STARD3NL: variants seen among roughly 807,000 people sequenced by gnomAD.
STARD3NL encodes STARD3 N-terminal-like protein.
A neutral mutation model predicts 30.9 loss-of-function variants in STARD3NL; 17 were observed. The observed-to-expected ratio is 0.55, with a 90% confidence interval of 0.38 to 0.82. The LOEUF is 0.82. Ranked by LOEUF, STARD3NL falls within the 40% of genes least tolerant of loss-of-function variation. The probability of loss-of-function intolerance (pLI) is 0.00; values close to 1 mark genes in which losing one functional copy is unlikely to be tolerated. For synonymous variants in STARD3NL, 112 were observed against 100.5 expected (o/e 1.11, Z -0.69); for missense variants, 234 against 277.6 (o/e 0.84, Z 1.12).
At chr7:38,201,394 C>T (rs1303919592) in intron 1 of STARD3NL, among the ~76,000 whole-genome samples, 2 of 151,936 alleles carry the variant, frequency 1.3e-5, no homozygotes, top group South Asian at 2.1e-4. Context: ...GAGATTGATA[C>T]GTTTCTTAAT....
chr7:38,179,144 A>T (rs1476303731), intron 1 of STARD3NL: 2 of 152,240 alleles, frequency 1.3e-5, no homozygotes, highest in Non-Finnish European at 2.9e-5. Context: ...AAGTTTAGCA[A>T]GGTAACCAAG....
chr7:38,181,368 T>G (rs1784240021), intron 1 of STARD3NL, among the ~76,000 whole-genome samples: 1 of 152,180 alleles, frequency 6.6e-6, no homozygotes, highest in Admixed American at 6.5e-5. Context: ...TAACTTCTTT[T>G]TCTTAGTAAT....
chr7:38,226,760 T>C (rs1786795122), intron 7 of STARD3NL, among the ~76,000 whole-genome samples: 1 of 152,150 alleles, frequency 6.6e-6, no homozygotes. Flanking sequence ...CCTCTGAATT[T>C]GTCACTTCAC....
intron 2 of STARD3NL, among the ~76,000 whole-genome samples, chr7:38,211,379 G>C (rs1384903156): frequency 1.3e-5 from 2 of 152,132 alleles, no homozygotes; most frequent in African/African-American, 4.8e-5. Context: ...TTCAGTGTGG[G>C]AGCTTGGGGA....
At chr7:38,228,060 T>G (rs949933280) in intron 7 of STARD3NL, among the ~76,000 whole-genome samples, 2 of 152,200 alleles carry the variant, frequency 1.3e-5, no homozygotes, top group African/African-American at 4.8e-5. Flanking sequence ...ATTTAAAGTT[T>G]TATTTGCTAT....
At chr7:38,195,802 T>C (rs1461605921) in intron 1 of STARD3NL, among the ~76,000 whole-genome samples, 1 of 152,270 alleles carries the variant, frequency 6.6e-6, no homozygotes, top group Non-Finnish European at 1.5e-5. Context: ...AGACTGTGTC[T>C]GAATGATATC....
rs1201195636 is a variant in STARD3NL at position 38,214,338 on chromosome 7, T to A, written c.226-19T>A. 1 of 1,553,572 alleles carries A rather than the reference T, an allele frequency of 6.4e-7. No individual in the cohort carries two copies. The highest frequency in any genetic ancestry group is 2.3e-5 in the East Asian group (1 of 43,984). On this transcript the variant is annotated intron_variant, in intron 2 of 8. Transcript: ENST00000009041. ...CACATAAACCTCTCCTTGTTTTTGC[T>A]TCTTACTCTCCTTTCTAGGTGAATG... is the stretch of plus-strand genomic sequence containing the variant.
chr7:38,196,490 T>G (rs1034244512), intron 1 of STARD3NL, among the ~76,000 whole-genome samples: 1 of 152,218 alleles, frequency 6.6e-6, no homozygotes, highest in Admixed American at 6.5e-5. Context: ...TTATTCCCCA[T>G]TGTAGACCTG....
Position 38,215,024 on chromosome 7 carries a change from TC to T in STARD3NL, c.304-3del, listed in dbSNP as rs777048078. The T allele has an allele frequency of 1.2e-6, 2 of 1,613,628 alleles. No homozygotes were observed. The highest frequency in any genetic ancestry group is 1.7e-6 in the Non-Finnish European group (2 of 1,179,688). ...AAAACATCCCTTTATTTTCTTACTT[TC>T]AGCTTCTGGCAGTTTTTCGATTTAA... On this transcript the variant is annotated splice_polypyrimidine_tract_variant and splice_region_variant and intron_variant, in intron 3 of 8. Transcript: ENST00000009041.
intron 1 of STARD3NL, among the ~76,000 whole-genome samples, chr7:38,189,266 A>G (rs1296478514): frequency 1.3e-5 from 2 of 152,212 alleles, no homozygotes; most frequent in African/African-American, 4.8e-5. Context: ...GAAAATAAAG[A>G]TTAAGAATAA....
chr7:38,180,642 G>C (rs1016781912), intron 1 of STARD3NL, among the ~76,000 whole-genome samples: 8 of 152,206 alleles, frequency 5.3e-5, no homozygotes, highest in African/African-American at 1.9e-4. Context: ...AGCTAGTACT[G>C]ATGGAGCTTG....
intron 4 of STARD3NL, chr7:38,216,716 G>A (rs1433490941): frequency 5.3e-6 from 2 of 376,308 alleles, no homozygotes; most frequent in East Asian, 4.4e-5. Flanking sequence ...GTCTCTTCAT[G>A]TGCTTGTAGA....
intron 1 of STARD3NL, among the ~76,000 whole-genome samples, chr7:38,196,273 C>A (rs1562602663): frequency 6.6e-6 from 1 of 151,108 alleles, no homozygotes; most frequent in Non-Finnish European, 1.5e-5. Context: ...CATGACACTC[C>A]TTTTCCTGTG....
chr7:38,201,228 T>C lies in STARD3NL; in HGVS notation c.-58-6219T>C, dbSNP rs922392894. 3.3e-5 allele frequency among the ~76,000 whole-genome samples: 5 copies of C among 152,330 alleles called. No individual in the cohort carries two copies. The East Asian group carries it at 9.6e-4, about 29-fold the overall frequency. On this transcript the variant is annotated intron_variant, in intron 1 of 8. Transcript: ENST00000009041. ...CAGAGATGTCTCTGCTTTGTGTAACTTTTTTTATTGAGGTGAAAGTATCTA... is the reference window on the plus strand; with the variant it reads ...CAGAGATGTCTCTGCTTTGTGTAACCTTTTTTATTGAGGTGAAAGTATCTA...
chr7:38,229,645 G>A (rs1002381474), intron 8 of STARD3NL, among the ~76,000 whole-genome samples: 2 of 152,168 alleles, frequency 1.3e-5, no homozygotes, highest in East Asian at 1.9e-4. Flanking sequence ...CACGGCGCAT[G>A]GAGCCCCAGT....
intron 1 of STARD3NL, among the ~76,000 whole-genome samples, chr7:38,203,293 A>G (rs1399743373): frequency 6.6e-6 from 1 of 152,218 alleles, no homozygotes; most frequent in East Asian, 1.9e-4. Context: ...TCTCGGCAGA[A>G]ACTCTACAAG....
intron 1 of STARD3NL, among the ~76,000 whole-genome samples, chr7:38,205,406 T>C (rs1785404076): frequency 6.6e-6 from 1 of 152,204 alleles, no homozygotes; most frequent in African/African-American, 2.4e-5. Flanking sequence ...GAACATACTG[T>C]GTCTGTGTGT....
intron 7 of STARD3NL, among the ~76,000 whole-genome samples, chr7:38,228,534 A>T (rs980768082): frequency 5.3e-5 from 8 of 152,244 alleles, no homozygotes; most frequent in African/African-American, 1.4e-4. Flanking sequence ...GATAATAGTT[A>T]TTGGTCTGCA....
At chr7:38,203,819 G>A (rs1221067204) in intron 1 of STARD3NL, among the ~76,000 whole-genome samples, 1 of 152,020 alleles carries the variant, frequency 6.6e-6, no homozygotes, top group Non-Finnish European at 1.5e-5. Context: ...AAAAGGCAGG[G>A]GTTGCAATCT....
Sources: allele counts gnomAD v4.1 joint callset (sites outside exome capture counted in the v4.1 genomes callset), GRCh38; gene constraint gnomAD v4.1.1; transcripts MANE v1.5; gene names NCBI Gene and HGNC (gene_info 2026-07-23, HGNC 2026-07-21).